The following ARHGAP15 variants were observed in gnomAD, a reference collection of about 807,000 sequenced individuals.
The protein encoded by ARHGAP15 is rho GTPase-activating protein 15.
In ARHGAP15, 51 loss-of-function variants were observed where a neutral mutation model predicts 63.7. That is an observed-to-expected ratio of 0.80 (90% CI 0.64 to 1.01). ARHGAP15 has a LOEUF of 1.01. ARHGAP15 is among the 50% of genes least tolerant of loss of function. The probability of loss-of-function intolerance (pLI) is 0.00; values close to 1 mark genes in which losing one functional copy is unlikely to be tolerated. For missense variants in ARHGAP15, 560 were observed against 564.6 expected, an observed-to-expected ratio of 0.99 and a Z score of 0.08; for synonymous variants, 191 against 193.8, an observed-to-expected ratio of 0.99 and a Z score of 0.12.
At chr2:143,367,102 T>C in intron 6 of ARHGAP15, among the ~76,000 whole-genome samples, 1 of 152,118 alleles carries the variant, frequency 6.6e-6, no homozygotes, top group Non-Finnish European at 1.5e-5. Context: ...AGAAAACTTC[T>C]TCAATTGATT....
At chr2:143,650,970 A>G (rs1252286432) in intron 12 of ARHGAP15, among the ~76,000 whole-genome samples, 1 of 151,684 alleles carries the variant, frequency 6.6e-6, no homozygotes, top group African/African-American at 2.4e-5. Context: ...GTTCTAGAGG[A>G]CTCCTGCAGG....
At chr2:143,526,985 C>T (rs1351594391) in intron 10 of ARHGAP15, among the ~76,000 whole-genome samples, 1 of 151,958 alleles carries the variant, frequency 6.6e-6, no homozygotes, top group African/African-American at 2.4e-5. Context: ...GTAGGTATTT[C>T]CCTAGGGTTT....
intron 1 of ARHGAP15, among the ~76,000 whole-genome samples, chr2:143,137,150 CT>C (rs1465049730): frequency 6.6e-6 from 1 of 152,034 alleles, no homozygotes; most frequent in Non-Finnish European, 1.5e-5. Flanking sequence ...CATTACTCTG[CT>C]TTTGTTTTCC....
At chr2:143,612,607 C>G (rs559361797) in intron 11 of ARHGAP15, among the ~76,000 whole-genome samples, 1 of 152,160 alleles carries the variant, frequency 6.6e-6, no homozygotes, top group South Asian at 2.1e-4. Context: ...ACCACAGAGG[C>G]GAGGCTCAGA....
At chr2:143,150,597 C>T (rs1205115426) in intron 1 of ARHGAP15, among the ~76,000 whole-genome samples, 1 of 151,992 alleles carries the variant, frequency 6.6e-6, no homozygotes, top group Non-Finnish European at 1.5e-5. Context: ...TGAAGCCAGT[C>T]TTAAGTGATT....
intron 6 of ARHGAP15, among the ~76,000 whole-genome samples, chr2:143,428,655 C>T (rs759013554): frequency 5.9e-5 from 9 of 151,842 alleles, no homozygotes; most frequent in Non-Finnish European, 1.2e-4. Flanking sequence ...AATGTTTCCT[C>T]GTGGGTCAAA....
chr2:143,623,384 T>C (rs1256229356), intron 11 of ARHGAP15, among the ~76,000 whole-genome samples: 1 of 152,162 alleles, frequency 6.6e-6, no homozygotes, highest in Non-Finnish European at 1.5e-5. Flanking sequence ...CCCAAGCAAA[T>C]ATTTCTGTTG....
At chr2:143,467,242 C>CTTTTTTTTTTTTTTTT (rs202115707) in intron 8 of ARHGAP15, among the ~76,000 whole-genome samples, 70 of 57,914 alleles carry the variant, frequency 1.2e-3, no homozygotes, top group Admixed American at 1.8e-3. Flanking sequence ...ACTCCATGGC[C>CTTTTTTTTTTTTTTTT]TTTTTTTTTT....
chr2:143,262,532 T>C (rs1167622188), intron 6 of ARHGAP15, among the ~76,000 whole-genome samples: 5 of 141,262 alleles, frequency 3.5e-5, no homozygotes, highest in Non-Finnish European at 6.1e-5. Context: ...GTCTGAACCT[T>C]TGATTTTTTT....
chr2:143,612,858 A>G (rs1171332082), intron 11 of ARHGAP15, among the ~76,000 whole-genome samples: 2 of 152,224 alleles, frequency 1.3e-5, no homozygotes, highest in East Asian at 3.8e-4. Context: ...ATAACAGTAC[A>G]TCCAGCATAT....
At chr2:143,309,511 A>C (rs946656837) in intron 6 of ARHGAP15, among the ~76,000 whole-genome samples, 1 of 152,124 alleles carries the variant, frequency 6.6e-6, no homozygotes, top group Non-Finnish European at 1.5e-5. Flanking sequence ...GGCCTAGTAC[A>C]TCGGATACAC....
At chr2:143,157,277 T>G (rs1192572676) in intron 2 of ARHGAP15, among the ~76,000 whole-genome samples, 1 of 151,980 alleles carries the variant, frequency 6.6e-6, no homozygotes, top group East Asian at 1.9e-4. Flanking sequence ...AATTGGCATA[T>G]CAATATGCAA....
chr2:143,189,289 T>C (rs186756306), intron 2 of ARHGAP15, among the ~76,000 whole-genome samples: 5 of 152,304 alleles, frequency 3.3e-5, no homozygotes, highest in Admixed American at 2.6e-4. Flanking sequence ...AGCCCCAGTG[T>C]TCTGTAACTA....
rs752600940 is a variant in ARHGAP15, at chr2:143,768,159, C to G, written c.1415C>G (p.Ser472Ter). ...MLSEYSKIFG[S>*]EED Reference sequence around the variant, plus strand: ...AGTGAGTACAGTAAGATCTTCGGCTCAGAGGAAGACTGACAGACAAGACAA... The same window carrying G: ...AGTGAGTACAGTAAGATCTTCGGCTGAGAGGAAGACTGACAGACAAGACAA... The change falls in exon 14 of 14, where the codon TCA becomes TGA. Residue 472 changes from serine (S) to a stop codon, truncating the protein, a stop_gained. Transcript: ENST00000295095. LOFTEE classifies it high-confidence loss of function. 6.2e-7 allele frequency: 1 copy of G among 1,613,054 alleles called. No individual in the cohort carries two copies. Among genetic ancestry groups the G allele is most frequent in the Non-Finnish European group, 8.5e-7 (1 of 1,179,420 alleles).
intron 12 of ARHGAP15, among the ~76,000 whole-genome samples, chr2:143,624,927 C>T (rs1318509143): frequency 6.6e-6 from 1 of 151,786 alleles, no homozygotes; most frequent in East Asian, 1.9e-4. Context: ...ATAAAACACA[C>T]ACACACACTT....
At chr2:143,448,899 T>C (rs1347196097) in intron 8 of ARHGAP15, among the ~76,000 whole-genome samples, 3 of 151,644 alleles carry the variant, frequency 2.0e-5, no homozygotes, top group Admixed American at 1.3e-4. Context: ...TTTAAAGAGG[T>C]TTTTGAAAGT....
At chr2:143,168,318 C>G (rs1251770757) in intron 2 of ARHGAP15, among the ~76,000 whole-genome samples, 1 of 152,020 alleles carries the variant, frequency 6.6e-6, no homozygotes, top group Non-Finnish European at 1.5e-5. Context: ...GCTAGGACTA[C>G]AGGTGCACAC....
chr2:143,582,467 G>A (rs906442507), intron 11 of ARHGAP15, among the ~76,000 whole-genome samples: 1 of 152,122 alleles, frequency 6.6e-6, no homozygotes, highest in Non-Finnish European at 1.5e-5. Flanking sequence ...GGGCAATGAG[G>A]AGGGGCATTG....
rs547448280 is a variant in ARHGAP15, at chr2:143,759,765, T to C, written c.1245-8224T>C. On this transcript the variant is annotated intron_variant, in intron 13 of 13. Transcript: ENST00000295095. The stretch of plus-strand genomic sequence containing the variant: ...AAATCTCCCTTCCTTAGAGAGGGCT[T>C]CCCTGAGCACTCCGTCTAATACACG... Among the ~76,000 whole-genome samples, 5 of 152,028 alleles carry C rather than the reference T, an allele frequency of 3.3e-5. No homozygotes were observed. The South Asian group carries it at 8.3e-4, about 25-fold the overall frequency.
Sources: gnomAD v4.1 joint callset for allele counts (sites outside exome capture counted in the v4.1 genomes callset) on GRCh38, gnomAD v4.1.1 for gene constraint, MANE v1.5 for transcripts, NCBI Gene and HGNC (gene_info 2026-07-23, HGNC 2026-07-21) for gene names.